The following LEMD3 variants were observed in gnomAD, a reference collection of about 807,000 sequenced individuals.
LEMD3 encodes the protein inner nuclear membrane protein Man1.
In LEMD3, 33 loss-of-function variants were observed where a neutral mutation model predicts 95.2. That is an observed-to-expected ratio of 0.35 (90% confidence interval 0.26 to 0.46). LEMD3 has a LOEUF of 0.46. Among genes scored for constraint, LEMD3 ranks in the 20% least tolerant of loss-of-function variants. LEMD3 has a pLI of 1.00. For synonymous variants in LEMD3, 525 were observed against 474.6 expected (o/e 1.11, Z -1.38); for missense variants, 1,210 against 1,192.8 (o/e 1.01, Z -0.21).
intron 4 of LEMD3, among the ~76,000 whole-genome samples, chr12:65,230,408 C>A (rs1025083419): frequency 6.6e-6 from 1 of 151,748 alleles, no homozygotes; most frequent in Non-Finnish European, 1.5e-5. Context: ...TCATAATCTT[C>A]TAATTGTGAA....
chr12:65,239,137 TA>T (rs1357308747), intron 6 of LEMD3, among the ~76,000 whole-genome samples: 1 of 152,220 alleles, frequency 6.6e-6, no homozygotes, highest in Non-Finnish European at 1.5e-5. Flanking sequence ...TAAAGTGTTA[TA>T]AAGTTTATTA....
chr12:65,201,164 G>C (rs1295841862), intron 1 of LEMD3, among the ~76,000 whole-genome samples: 1 of 152,038 alleles, frequency 6.6e-6, no homozygotes, highest in Non-Finnish European at 1.5e-5. Context: ...CTTTTTGTCT[G>C]TTCTTTTACC....
At chr12:65,219,266 A>G (rs1462586677) in intron 4 of LEMD3, among the ~76,000 whole-genome samples, 1 of 152,216 alleles carries the variant, frequency 6.6e-6, no homozygotes, top group Non-Finnish European at 1.5e-5. Context: ...TTCTTCTCCA[A>G]ATACTAAGAG....
intron 2 of LEMD3, among the ~76,000 whole-genome samples, chr12:65,213,235 GTTTT>G (rs1565790698): frequency 6.6e-6 from 1 of 151,930 alleles, no homozygotes; most frequent in South Asian, 2.1e-4. Flanking sequence ...TTGTTTGTTT[GTTTT>G]TTTGAGACAA....
At chr12:65,198,355 G>A (rs1274218113) in intron 1 of LEMD3, among the ~76,000 whole-genome samples, 1 of 152,102 alleles carries the variant, frequency 6.6e-6, no homozygotes, top group Non-Finnish European at 1.5e-5. Flanking sequence ...ACCTTTACAA[G>A]TTGACTTGCT....
chr12:65,246,481 G>A lies in LEMD3; in HGVS notation c.*156G>A. 4 of 671,148 alleles carry A rather than the reference G, an allele frequency of 6.0e-6. No homozygotes were observed. The highest frequency in any genetic ancestry group is 3.5e-5 in the South Asian group (2 of 57,376). 41.6% of individuals were successfully genotyped at this position (671,148 alleles called of 1,614,324 possible). ...AGTCTTAAGGTTCCAAAGGGATTTA[G>A]CAGTGAGGCAGCAATGCTGAGTAGG... is the stretch of plus-strand genomic sequence containing the variant. On this transcript the variant is annotated 3_prime_UTR_variant, in exon 13 of 13. Transcript: ENST00000308330.
intron 1 of LEMD3, among the ~76,000 whole-genome samples, chr12:65,192,511 A>G (rs1167278105): frequency 6.6e-6 from 1 of 152,136 alleles, no homozygotes; most frequent in Non-Finnish European, 1.5e-5. Flanking sequence ...CCCTTAACAA[A>G]AACACATCTT....
chr12:65,234,363 A>G (rs948930764), intron 4 of LEMD3, among the ~76,000 whole-genome samples: 1 of 152,232 alleles, frequency 6.6e-6, no homozygotes, highest in Non-Finnish European at 1.5e-5. Context: ...AAAGTGAATA[A>G]TAAAACAGTT....
chr12:65,245,437 C>G, intron 10 of LEMD3: 1 of 490,404 alleles, frequency 2.0e-6, no homozygotes, highest in Non-Finnish European at 3.7e-6. Flanking sequence ...CCGCGCCTGG[C>G]CAGCGCTCTG....
chr12:65,245,998 T>A, intron 12 of LEMD3, 59 bp downstream of exon 12: 1 of 1,375,508 alleles, frequency 7.3e-7, no homozygotes, highest in Non-Finnish European at 1.0e-6. Context: ...AATTTTAAAC[T>A]ATACCAGATT....
rs1870396601 is a variant in LEMD3 at position 65,224,697 on chromosome 12, A to G, written c.1695+6078A>G. ...CAATTTGAACATAACATGTCTGAAT[A>G]TGGACTTATTTTGGTCTATCCTCAT... On this transcript the variant is annotated intron_variant, in intron 4 of 12. Coordinates refer to ENST00000308330, the MANE Select transcript of LEMD3 (RefSeq NM_014319.5). 2.0e-5 allele frequency among the ~76,000 whole-genome samples: 3 copies of G among 152,096 alleles called. No homozygotes were observed. In the South Asian group the frequency reaches 6.2e-4, roughly 32 times the overall value.
chr12:65,173,217 CTA>C (rs1171613620), intron 1 of LEMD3, among the ~76,000 whole-genome samples: 15 of 152,116 alleles, frequency 9.9e-5, no homozygotes, highest in Admixed American at 9.2e-4. Flanking sequence ...AAGTAATTGA[CTA>C]TTTGGTAGGA....
chr12:65,244,321 A>G (rs577034892), intron 10 of LEMD3, among the ~76,000 whole-genome samples: 252 of 145,712 alleles, frequency 1.7e-3, no homozygotes, highest in Non-Finnish European at 2.7e-3. Context: ...CACCGCCTCT[A>G]TTTTGCAGAG....
At chr12:65,208,546 A>G (rs1159795685) in intron 1 of LEMD3, among the ~76,000 whole-genome samples, 2 of 152,138 alleles carry the variant, frequency 1.3e-5, no homozygotes, top group Non-Finnish European at 2.9e-5. Flanking sequence ...TTTCCATTAA[A>G]GACTAGGTAA....
At position 65,248,317 on chromosome 12, in the gene LEMD3, T is replaced by C. The variant is rs902381036; in HGVS notation, c.*1992T>C. On this transcript the variant is annotated 3_prime_UTR_variant, in exon 13 of 13. Coordinates refer to ENST00000308330, the MANE Select transcript of LEMD3 (RefSeq NM_014319.5). ...AAGGAAAAAATTCTAATTAAAAATT[T>C]ATTAGTTTTTTTTTATGTGTCTTGG... The C allele has an allele frequency of 3.9e-5, 6 of 152,130 alleles. No individual in the cohort carries two copies. The highest frequency in any genetic ancestry group is 5.9e-5 in the Non-Finnish European group (4 of 68,012). 9.4% of individuals were successfully genotyped at this position (152,130 alleles called of 1,614,324 possible). A position where few individuals can be genotyped will look rare whatever the true frequency, so the allele number is the denominator to read the frequency against.
intron 1 of LEMD3, among the ~76,000 whole-genome samples, chr12:65,201,068 T>G (rs1869586534): frequency 6.6e-6 from 1 of 152,138 alleles, no homozygotes. Context: ...CTTTGCTCCA[T>G]TATATTGCCT....
Position 65,240,254 on chromosome 12 carries a change from T to G in LEMD3, c.2126+16T>G. On this transcript the variant is annotated intron_variant, in intron 8 of 12. Transcript: ENST00000308330. ...CTCATGACAGGTGTGTTCAAAGCATTATGAGTTCAAGTAAATCAGAAAATT... is the reference window on the plus strand; with the variant it reads ...CTCATGACAGGTGTGTTCAAAGCATGATGAGTTCAAGTAAATCAGAAAATT... 1 of 1,558,300 alleles carries G rather than the reference T, an allele frequency of 6.4e-7. No homozygotes were observed. Among genetic ancestry groups the G allele is most frequent in the South Asian group, 1.1e-5 (1 of 89,966 alleles).
At position 65,247,268 on chromosome 12, in the gene LEMD3, T is replaced by G. The variant is rs1871142693; in HGVS notation, c.*943T>G. 2 of 152,600 alleles carry G rather than the reference T, an allele frequency of 1.3e-5. No homozygotes were observed. Among genetic ancestry groups the G allele is most frequent in the African/African-American group, 2.4e-5 (1 of 41,454 alleles). 9.5% of individuals were successfully genotyped at this position (152,600 alleles called of 1,614,324 possible). On this transcript the variant is annotated 3_prime_UTR_variant, in exon 13 of 13. Transcript: ENST00000308330. ...ATTGGCAGATATTGGAAAAATATTT[T>G]GTGAAAAGCTGTATTTATTATAAAT...
intron 1 of LEMD3, among the ~76,000 whole-genome samples, chr12:65,183,431 T>C (rs1036064017): frequency 1.6e-4 from 25 of 152,156 alleles, no homozygotes; most frequent in African/African-American, 5.8e-4. Context: ...AGTTATATTA[T>C]TGGTTTAATG....
Sources: gnomAD v4.1 joint callset for allele counts (sites outside exome capture counted in the v4.1 genomes callset) on GRCh38, gnomAD v4.1.1 for gene constraint, MANE v1.5 for transcripts, NCBI Gene and HGNC (gene_info 2026-07-23, HGNC 2026-07-21) for gene names.